NPR3: variants seen among roughly 807,000 people sequenced by gnomAD.
The protein encoded by NPR3 is natriuretic peptide receptor 3.
In NPR3, 34 loss-of-function variants were observed where a neutral mutation model predicts 54.5. That is an observed-to-expected ratio of 0.62 (90% CI 0.47 to 0.83). NPR3 has a LOEUF of 0.83. NPR3 is among the 40% of genes least tolerant of loss of function. NPR3 has a pLI of 0.00. For synonymous variants in NPR3, 289 were observed against 297.1 expected (o/e 0.97, Z 0.28); for missense variants, 674 against 720.8 (o/e 0.94, Z 0.74).
intron 1 of NPR3, among the ~76,000 whole-genome samples, chr5:32,694,084 G>A (rs1269794815): frequency 6.6e-6 from 1 of 152,184 alleles, no homozygotes; most frequent in Non-Finnish European, 1.5e-5. Flanking sequence ...ACTGAAAGCT[G>A]TTAAGGGCAC....
intron 3 of NPR3, among the ~76,000 whole-genome samples, chr5:32,770,551 T>G (rs1288966022): frequency 6.6e-6 from 1 of 152,200 alleles, no homozygotes; most frequent in African/African-American, 2.4e-5. Flanking sequence ...GTGAATGATT[T>G]TCATCTCGTT....
intron 1 of NPR3, among the ~76,000 whole-genome samples, chr5:32,718,504 A>G (rs1561081083): frequency 6.6e-6 from 1 of 151,026 alleles, no homozygotes; most frequent in Non-Finnish European, 1.5e-5. Flanking sequence ...TTTGTGTCCT[A>G]TTTTATTTTA....
At chr5:32,774,395 G>C (rs867569321) in intron 3 of NPR3, among the ~76,000 whole-genome samples, 22 of 152,320 alleles carry the variant, frequency 1.4e-4, no homozygotes, top group South Asian at 4.1e-4. Flanking sequence ...CAGATGTGGG[G>C]AAGGAGGAGG....
chr5:32,753,283 C>T (rs1395566511), intron 3 of NPR3, among the ~76,000 whole-genome samples: 2 of 150,826 alleles, frequency 1.3e-5, no homozygotes, highest in African/African-American at 4.9e-5. Flanking sequence ...AGCAATGCAG[C>T]GTGGGAATAT....
chr5:32,779,155 A>G (rs1742213638), intron 4 of NPR3, among the ~76,000 whole-genome samples: 1 of 152,184 alleles, frequency 6.6e-6, no homozygotes, highest in Admixed American at 6.5e-5. Flanking sequence ...TCCAAGCCAC[A>G]CTAGAGGTTG....
intron 3 of NPR3, among the ~76,000 whole-genome samples, chr5:32,742,919 C>T (rs1740109318): frequency 6.6e-6 from 1 of 152,146 alleles, no homozygotes; most frequent in African/African-American, 2.4e-5. Flanking sequence ...TATGATACCA[C>T]TGACTCTATT....
At chr5:32,753,277 A>G (rs1167544718) in intron 3 of NPR3, among the ~76,000 whole-genome samples, 2 of 152,042 alleles carry the variant, frequency 1.3e-5, no homozygotes, top group African/African-American at 2.4e-5. Context: ...TAAAATAGCA[A>G]TGCAGCGTGG....
At chr5:32,755,338 T>A (rs144498014) in intron 3 of NPR3, among the ~76,000 whole-genome samples, 4 of 152,350 alleles carry the variant, frequency 2.6e-5, no homozygotes, top group Admixed American at 6.5e-5. Context: ...ATTAAACAGA[T>A]TTCAGATGTG....
intron 3 of NPR3, among the ~76,000 whole-genome samples, chr5:32,754,511 GAGGA>G (rs1740735851): frequency 6.6e-6 from 1 of 152,178 alleles, no homozygotes; most frequent in Non-Finnish European, 1.5e-5. Context: ...TGTTAAGAGA[GAGGA>G]ACTAGAATAA....
At chr5:32,766,131 A>G (rs1741447904) in intron 3 of NPR3, among the ~76,000 whole-genome samples, 1 of 152,186 alleles carries the variant, frequency 6.6e-6, no homozygotes, top group African/African-American at 2.4e-5. Flanking sequence ...GTGGGTATAT[A>G]TCAGCACAGA....
Position 32,791,652 on chromosome 5 carries a change from A to G in NPR3, c.*5307A>G, listed in dbSNP as rs1014659367. 1 of 166,898 alleles carries G rather than the reference A, an allele frequency of 6.0e-6. No individual in the cohort carries two copies. The highest frequency in any genetic ancestry group is 1.9e-4 in the East Asian group (1 of 5,208). 10.3% of individuals were successfully genotyped at this position (166,898 alleles called of 1,614,324 possible). On this transcript the variant is annotated 3_prime_UTR_variant, in exon 8 of 8. Transcript: ENST00000265074. ...TGTATGTGTCCTTGTAAATGTTTCTATCAAGCAAGAATGCCACGTACTCAG... is the reference window on the plus strand; with the variant it reads ...TGTATGTGTCCTTGTAAATGTTTCTGTCAAGCAAGAATGCCACGTACTCAG...
intron 1 of NPR3, among the ~76,000 whole-genome samples, chr5:32,718,780 C>T (rs1377310096): frequency 6.6e-6 from 1 of 152,184 alleles, no homozygotes; most frequent in African/African-American, 2.4e-5. Flanking sequence ...AATATACAGT[C>T]ATGTCATCTG....
upstream of NPR3, among the ~76,000 whole-genome samples, chr5:32,706,407 A>G (rs1453084705): frequency 6.6e-6 from 1 of 152,250 alleles, no homozygotes; most frequent in African/African-American, 2.4e-5. Context: ...GATCCTGAAG[A>G]CAAACACAAT....
chr5:32,744,455 A>G (rs1166804906), intron 3 of NPR3, among the ~76,000 whole-genome samples: 1 of 152,218 alleles, frequency 6.6e-6, no homozygotes, highest in Non-Finnish European at 1.5e-5. Flanking sequence ...TTAAATGGGA[A>G]TAACAATTTT....
intron 1 of NPR3, 148 bp from the exon 2 acceptor site, chr5:32,724,550 T>G: frequency 2.3e-6 from 2 of 855,070 alleles, no homozygotes; most frequent in Non-Finnish European, 3.5e-6. Flanking sequence ...TCCTCCATGG[T>G]CCATTTGTAG....
intron 4 of NPR3, among the ~76,000 whole-genome samples, chr5:32,778,318 T>C (rs1414544521): frequency 2.0e-5 from 3 of 152,172 alleles, no homozygotes; most frequent in Admixed American, 2.0e-4. Flanking sequence ...TTTTATTTGC[T>C]AAACAATGGT....
At chr5:32,706,287 G>A (rs1023862345), upstream of NPR3, among the ~76,000 whole-genome samples, 6 of 152,180 alleles carry the variant, frequency 3.9e-5, no homozygotes, top group African/African-American at 1.4e-4. Context: ...GCAGAACCAT[G>A]AGCTAATTAA....
At chr5:32,721,305 TTAGA>T (rs777566833) in intron 1 of NPR3, among the ~76,000 whole-genome samples, 5 of 152,222 alleles carry the variant, frequency 3.3e-5, no homozygotes, top group African/African-American at 4.8e-5. Context: ...CAAAATCTGC[TTAGA>T]TAGACACAGT....
chr5:32,780,907 C>T (rs1178062668), intron 5 of NPR3, 91 bp downstream of exon 5: 1 of 652,348 alleles, frequency 1.5e-6, no homozygotes, highest in African/African-American at 1.9e-5. Context: ...GAGCTGTCTC[C>T]AATGCAGCTT....
Sources: allele counts gnomAD v4.1 joint callset (sites outside exome capture counted in the v4.1 genomes callset), GRCh38; gene constraint gnomAD v4.1.1; transcripts MANE v1.5; gene names NCBI Gene and HGNC (gene_info 2026-07-23, HGNC 2026-07-21).